ALDH1B1: variants seen among roughly 807,000 people sequenced by gnomAD.
ALDH1B1 encodes the protein aldehyde dehydrogenase 1 family member B1.
ALDH1B1 carries 19 observed loss-of-function variants against 26.2 expected under a neutral mutation model. That is an observed-to-expected ratio of 0.72 (90% CI 0.51 to 1.06). The LOEUF is 1.06. ALDH1B1 is among the 50% of genes least tolerant of loss of function. The pLI is 0.00. For missense variants in ALDH1B1, 671 were observed against 683.1 expected, an observed-to-expected ratio of 0.98 and a Z score of 0.20; for synonymous variants, 249 against 286.0, an observed-to-expected ratio of 0.87 and a Z score of 1.31.
In ALDH1B1 at chr9:38,396,987, C is replaced by T. The variant is rs746003698; in HGVS notation, c.1239C>T (p.Ala413=). The change falls in exon 2 of 2, where the codon GCC becomes GCT. Residue 413 remains alanine (A), a synonymous_variant. Coordinates refer to ENST00000377698, the MANE Select transcript of ALDH1B1 (RefSeq NM_000692.5). ...GCGTGCAGGATGACATGAGAATTGC[C>T]AAAGAGGAGATCTTTGGGCCTGTGC... is the stretch of plus-strand genomic sequence containing the variant. ...FGGVQDDMRI[A]KEEIFGPVQP... 1.1e-5 allele frequency: 18 copies of T among 1,614,116 alleles called. 1 individual carries two copies. In the Middle Eastern group the frequency reaches 1.2e-3, roughly 104 times the overall value.
In ALDH1B1 at chr9:38,396,162, C is replaced by T. The variant is rs1479752510; in HGVS notation, c.414C>T (p.Asp138=). The stretch of plus-strand genomic sequence containing the variant: ...CTTTCCAAGAGTCTTACGCCTTGGA[C>T]TTGGATGAGGTCATCAAGGTGTATC... ...GKPFQESYAL[D]LDEVIKVYRY... Residue 138 remains aspartate, a synonymous_variant, in exon 2 of 2, where the codon GAC becomes GAT. Coordinates refer to ENST00000377698, the MANE Select transcript of ALDH1B1 (RefSeq NM_000692.5). 6.2e-7 allele frequency: 1 copy of T among 1,614,194 alleles called. No individual in the cohort carries two copies. Among genetic ancestry groups the T allele is most frequent in the South Asian group, 1.1e-5 (1 of 91,086 alleles).
In ALDH1B1 at chr9:38,396,463, A is replaced by G. The variant is rs757657775; in HGVS notation, c.715A>G (p.Thr239Ala). 1 of 1,614,082 alleles carries G rather than the reference A, an allele frequency of 6.2e-7. No individual in the cohort carries two copies. Among genetic ancestry groups the G allele is most frequent in the Admixed American group, 1.7e-5 (1 of 60,034 alleles). Residue 239 changes from threonine (T) to alanine (A), a missense_variant, in exon 2 of 2, where the codon ACG (threonine) becomes GCG (alanine). Physicochemically the swap from Thr to Ala is moderately conservative, Grantham distance 58. Coordinates refer to ENST00000377698, the MANE Select transcript of ALDH1B1 (RefSeq NM_000692.5). ...TCCCCCTGGGGTGGTGAACATCATC[A>G]CGGGGTATGGCCCAACAGCAGGTGC... ...GFPPGVVNII[T>A]GYGPTAGAAI...
intron 1 of ALDH1B1, among the ~76,000 whole-genome samples, 181 bp from the exon 2 acceptor site, chr9:38,395,559 C>A (rs143274639): frequency 2.6e-5 from 4 of 152,042 alleles, no homozygotes; most frequent in Non-Finnish European, 5.9e-5. Flanking sequence ...TGAGGATAGG[C>A]GGGACGTGAT....
At position 38,396,967 on chromosome 9, in the gene ALDH1B1, C is replaced by A. The variant is rs145941041; in HGVS notation, c.1219C>A (p.Gln407Lys). 3 of 1,614,120 alleles carry A rather than the reference C, an allele frequency of 1.9e-6. No homozygotes were observed. The highest frequency in any genetic ancestry group is 1.7e-5 in the Admixed American group (1 of 60,028). ...CAAGCCTACTGTCTTTGGTGGCGTG[C>A]AGGATGACATGAGAATTGCCAAAGA... ...FIKPTVFGGV[Q>K]DDMRIAKEEI... Residue 407 changes from glutamine (Q) to lysine (K), a missense_variant, in exon 2 of 2, where the codon CAG (glutamine) becomes AAG (lysine). Physicochemically the swap from Gln to Lys is moderately conservative, Grantham distance 53. Coordinates refer to ENST00000377698, the MANE Select transcript of ALDH1B1 (RefSeq NM_000692.5).
chr9:38,395,928 C>T lies in ALDH1B1; in HGVS notation c.180C>T (p.Thr60=), dbSNP rs1821270040. The T allele has an allele frequency of 6.2e-7, 1 of 1,613,896 alleles. No homozygotes were observed. The highest frequency in any genetic ancestry group is 8.5e-7 in the Non-Finnish European group (1 of 1,180,016). Residue 60 remains threonine (T), a synonymous_variant, in exon 2 of 2, where the codon ACC becomes ACT. Transcript: ENST00000377698. ...AGACCTTCCCGACGGTCAACCCTAC[C>T]ACCGGGGAGGTCATTGGGCACGTGG... ...SKKTFPTVNP[T]TGEVIGHVAE...
Position 38,395,708 on chromosome 9 carries a change from T to C in ALDH1B1, c.-9-32T>C, listed in dbSNP as rs1446094785. 2.0e-6 allele frequency: 3 copies of C among 1,534,100 alleles called. No homozygotes were observed. The Admixed American group carries it at 6.0e-5, about 31-fold the overall frequency. On this transcript the variant is annotated intron_variant, in intron 1 of 1. Coordinates refer to ENST00000377698, the MANE Select transcript of ALDH1B1 (RefSeq NM_000692.5). ...GTACCGCCACCTGCCTTCTCCCACC[T>C]GTTCACCCTGGTTTCTTTTGTCCCT... is the stretch of plus-strand genomic sequence containing the variant.
intron 1 of ALDH1B1, among the ~76,000 whole-genome samples, chr9:38,393,786 G>C (rs1671373021): frequency 6.6e-6 from 1 of 151,612 alleles, no homozygotes; most frequent in South Asian, 2.1e-4. Flanking sequence ...CAAATAATCT[G>C]ATCAATCTTT....
At position 38,396,266 on chromosome 9, in the gene ALDH1B1, A is replaced by C. The variant is rs748511142; in HGVS notation, c.518A>C (p.His173Pro). 49 of 1,614,048 alleles carry C rather than the reference A, an allele frequency of 3.0e-5. No individual in the cohort carries two copies. The highest frequency in any genetic ancestry group is 4.1e-5 in the Non-Finnish European group (48 of 1,180,036). The change falls in exon 2 of 2, where the codon CAT (histidine) becomes CCT (proline). Residue 173 changes from histidine to proline, a missense_variant. His to Pro is a moderately conservative substitution (Grantham distance 77, BLOSUM62 -2). Coordinates refer to ENST00000377698, the MANE Select transcript of ALDH1B1 (RefSeq NM_000692.5). ...MDGQHFCFTRHEPVGVCGQII... is the reference protein window; with the variant it reads ...MDGQHFCFTRPEPVGVCGQII... ...GGCCAGCATTTCTGCTTCACCCGGC[A>C]TGAGCCCGTTGGTGTCTGTGGCCAG...
At position 38,397,428 on chromosome 9, in the gene ALDH1B1, C is replaced by G; in HGVS notation, c.*126C>G. The G allele has an allele frequency of 7.7e-7, 1 of 1,302,316 alleles. No homozygotes were observed. The highest frequency in any genetic ancestry group is 1.0e-6 in the Non-Finnish European group (1 of 966,454). The allele number at this position is 1,302,316 out of a possible 1,614,324, so 80.7% of individuals were successfully genotyped here. ...TTCCAAATTAACTCTTAGAAGAAACCCCACAAATAAAGCAATTCAATCAAG... is the reference window on the plus strand; with the variant it reads ...TTCCAAATTAACTCTTAGAAGAAACGCCACAAATAAAGCAATTCAATCAAG... On this transcript the variant is annotated 3_prime_UTR_variant, in exon 2 of 2. Transcript: ENST00000377698.
At position 38,396,714 on chromosome 9, in the gene ALDH1B1, C is replaced by G; in HGVS notation, c.966C>G (p.Gly322=). 1 of 1,614,222 alleles carries G rather than the reference C, an allele frequency of 6.2e-7. No homozygotes were observed. Among genetic ancestry groups the G allele is most frequent in the Non-Finnish European group, 8.5e-7 (1 of 1,180,056 alleles). Residue 322 remains glycine (G), a synonymous_variant, in exon 2 of 2, where the codon GGC becomes GGG. Coordinates refer to ENST00000377698, the MANE Select transcript of ALDH1B1 (RefSeq NM_000692.5). The part of the protein sequence containing the change: ...FFNMGQCCCA[G]SRTFVEESIY... ...ACATGGGCCAGTGCTGCTGTGCTGGCTCCCGGACCTTCGTGGAAGAATCCA... is the reference window on the plus strand; with the variant it reads ...ACATGGGCCAGTGCTGCTGTGCTGGGTCCCGGACCTTCGTGGAAGAATCCA...
At chr9:38,393,942 C>G (rs1821233707) in intron 1 of ALDH1B1, among the ~76,000 whole-genome samples, 1 of 151,920 alleles carries the variant, frequency 6.6e-6, no homozygotes, top group Non-Finnish European at 1.5e-5. Flanking sequence ...GACTAACTTT[C>G]TAGCTCATTA....
Position 38,398,616 on chromosome 9 carries a change from T to C in ALDH1B1, c.*1314T>C. On this transcript the variant is annotated 3_prime_UTR_variant, in exon 2 of 2. Transcript: ENST00000377698. ...AGGTGGGAGCCACAACACCCGGCCA[T>C]GAATTAACTCCGTTAAAAAATAAAC... 1 of 165,454 alleles carries C rather than the reference T, an allele frequency of 6.0e-6. No individual in the cohort carries two copies. 10.2% of individuals were successfully genotyped at this position (165,454 alleles called of 1,614,324 possible). A position where few individuals can be genotyped will look rare whatever the true frequency, so the allele number is the denominator to read the frequency against.
In ALDH1B1 at chr9:38,396,415, T is replaced by G. The variant is rs766680571; in HGVS notation, c.667T>G (p.Ser223Ala). The G allele has an allele frequency of 6.2e-7, 1 of 1,614,052 alleles. No homozygotes were observed. Among genetic ancestry groups the G allele is most frequent in the South Asian group, 1.1e-5 (1 of 91,066 alleles). ...QTPLSALYLASLIKEAGFPPG... is the reference protein window; with the variant it reads ...QTPLSALYLAALIKEAGFPPG... ...CCCCCTCTCTGCCCTGTATTTGGCC[T>G]CCCTCATCAAGGAGGCAGGCTTTCC... The change falls in exon 2 of 2, where the codon TCC (serine) becomes GCC (alanine). Residue 223 changes from serine (S) to alanine (A), a missense_variant. Coordinates refer to ENST00000377698, the MANE Select transcript of ALDH1B1 (RefSeq NM_000692.5).
At position 38,396,083 on chromosome 9, in the gene ALDH1B1, T is replaced by C. The variant is rs1399293013; in HGVS notation, c.335T>C (p.Val112Ala). ...GRLLNRLADL[V>A]ERDRVYLASL... Reference sequence around the variant, plus strand: ...CTGCTGAACCGCCTGGCAGACCTAGTGGAGCGGGATCGAGTCTACTTGGCC... The same window carrying C: ...CTGCTGAACCGCCTGGCAGACCTAGCGGAGCGGGATCGAGTCTACTTGGCC... The change falls in exon 2 of 2, where the codon GTG (valine) becomes GCG (alanine). Residue 112 changes from valine (V) to alanine (A), a missense_variant. Coordinates refer to ENST00000377698, the MANE Select transcript of ALDH1B1 (RefSeq NM_000692.5). 1.9e-6 allele frequency: 3 copies of C among 1,614,006 alleles called. No homozygotes were observed. The highest frequency in any genetic ancestry group is 2.5e-6 in the Non-Finnish European group (3 of 1,180,024).
In ALDH1B1 at chr9:38,397,167, C is replaced by T. The variant is rs1821311451; in HGVS notation, c.1419C>T (p.Tyr473=). 1.2e-6 allele frequency: 2 copies of T among 1,614,170 alleles called. No individual in the cohort carries two copies. Among genetic ancestry groups the T allele is most frequent in the Non-Finnish European group, 1.7e-6 (2 of 1,180,040 alleles). ...LQAGTVWVNT[Y]NIVTCHTPFG... is the part of the protein sequence containing the mutation. ...CCGGGACCGTGTGGGTAAACACCTA[C>T]AACATCGTCACCTGCCACACGCCAT... Residue 473 remains tyrosine, a synonymous_variant, in exon 2 of 2, where the codon TAC becomes TAT. Transcript: ENST00000377698.
At chr9:38,394,687 G>C (rs570131309) in intron 1 of ALDH1B1, 2 of 978,622 alleles carry the variant, frequency 2.0e-6, no homozygotes, top group South Asian at 4.7e-5. Flanking sequence ...GAGGCTGGGG[G>C]TGAAGGGACA....
Position 38,397,568 on chromosome 9 carries a change from T to C in ALDH1B1, c.*266T>C, listed in dbSNP as rs1481651044. The C allele has an allele frequency of 2.3e-6, 1 of 443,226 alleles. No individual in the cohort carries two copies. The highest frequency in any genetic ancestry group is 4.0e-5 in the Admixed American group (1 of 25,116). The allele number at this position is 443,226 out of a possible 1,614,324, so 27.5% of individuals were successfully genotyped here. ...GCTTCCATGAAATCTTAGGAGTCTC[T>C]GGAGGACAGATTAAAAACCAGTGAT... On this transcript the variant is annotated 3_prime_UTR_variant, in exon 2 of 2. Coordinates refer to ENST00000377698, the MANE Select transcript of ALDH1B1 (RefSeq NM_000692.5).
At chr9:38,395,685 A>T in intron 1 of ALDH1B1, 55 bp from the exon 2 acceptor site, 1 of 1,516,198 alleles carries the variant, frequency 6.6e-7, no homozygotes, top group East Asian at 2.3e-5. Flanking sequence ...GCCCTTGGGT[A>T]CCGCCACCTG....
rs1011362251 is a variant in ALDH1B1, at chr9:38,392,767, A to G, written c.-50A>G. On this transcript the variant is annotated 5_prime_UTR_variant, in exon 1 of 2. Coordinates refer to ENST00000377698, the MANE Select transcript of ALDH1B1 (RefSeq NM_000692.5). ...CAGAGCTGGGAGGGCCGGAACCAGA[A>G]CCCAAGCGTGATCCTGAACCGGAGC... 2.0e-6 allele frequency: 2 copies of G among 985,612 alleles called. No individual in the cohort carries two copies. Among genetic ancestry groups the G allele is most frequent in the Non-Finnish European group, 2.4e-6 (2 of 830,084 alleles). 61.1% of individuals were successfully genotyped at this position (985,612 alleles called of 1,614,324 possible).
Sources: gnomAD v4.1 joint callset for allele counts (sites outside exome capture counted in the v4.1 genomes callset) on GRCh38, gnomAD v4.1.1 for gene constraint, MANE v1.5 for transcripts, NCBI Gene and HGNC (gene_info 2026-07-23, HGNC 2026-07-21) for gene names.